The following CHCT1 variants were observed in gnomAD, a reference collection of about 807,000 sequenced individuals.
The protein encoded by CHCT1 is CHD1 helical C-terminal domain containing 1, also known as CHD1 helical C-terminal domain containing protein 1.
At chr17:60,426,060 C>T in the CHCT1 span, 1 of 1,355,638 alleles carries the variant, frequency 7.4e-7, no homozygotes, top group Admixed American at 2.2e-5. Flanking sequence ...AGCACTGGGC[C>T]ACTCAGGGCT....
chr17:60,426,537 C>T, the CHCT1 span: 1 of 1,090,980 alleles, frequency 9.2e-7, no homozygotes, highest in Non-Finnish European at 1.3e-6. Context: ...CGTGCAGGCG[C>T]TCAATACCAG....
At chr17:60,424,863 T>TA in the CHCT1 span, among the ~76,000 whole-genome samples, 22 of 141,646 alleles carry the variant, frequency 1.6e-4, no homozygotes, top group East Asian at 6.1e-4. Flanking sequence ...ATAGAGTGAA[T>TA]AAAAAAAAAA....
chr17:60,428,956 G>T, the CHCT1 span, among the ~76,000 whole-genome samples: 2 of 150,254 alleles, frequency 1.3e-5, no homozygotes, highest in African/African-American at 4.9e-5. Flanking sequence ...AGGCTGGAGT[G>T]CAGTGGCGTG....
chr17:60,422,002 A>C, the CHCT1 span: 3 of 933,986 alleles, frequency 3.2e-6, no homozygotes, highest in Admixed American at 6.3e-5. Flanking sequence ...AAACACACAC[A>C]TCCCACCCAG....
the CHCT1 span, chr17:60,425,766 C>G: frequency 6.5e-7 from 1 of 1,537,676 alleles, no homozygotes; most frequent in Non-Finnish European, 8.8e-7. Context: ...GGCTTAGTGC[C>G]CCCTGCCTCC....
the CHCT1 span, among the ~76,000 whole-genome samples, chr17:60,424,847 T>C: frequency 6.6e-6 from 1 of 151,864 alleles, no homozygotes; most frequent in African/African-American, 2.4e-5. Context: ...CACTCCAGCC[T>C]GGGTGATAGA....
chr17:60,424,133 T>C, the CHCT1 span, among the ~76,000 whole-genome samples: 3 of 152,118 alleles, frequency 2.0e-5, no homozygotes, highest in African/African-American at 7.2e-5. Flanking sequence ...CTCACTTAAT[T>C]GGGGCAGGGA....
At chr17:60,424,718 AC>A in the CHCT1 span, among the ~76,000 whole-genome samples, 7 of 152,226 alleles carry the variant, frequency 4.6e-5, no homozygotes, top group African/African-American at 1.7e-4. Flanking sequence ...TACTAAAAAT[AC>A]AAAATTAGCC....
At chr17:60,430,015 G>T in the CHCT1 span, among the ~76,000 whole-genome samples, 2 of 151,530 alleles carry the variant, frequency 1.3e-5, no homozygotes, top group East Asian at 1.9e-4. Context: ...AGTAAAGACA[G>T]GGTTTCACGG....
At chr17:60,421,959 G>A in the CHCT1 span, 35 of 985,110 alleles carry the variant, frequency 3.6e-5, no homozygotes, top group Non-Finnish European at 4.2e-5. Context: ...TACAGAGCCC[G>A]TAGGCACTGG....
the CHCT1 span, chr17:60,429,374 G>T: frequency 2.5e-6 from 4 of 1,613,284 alleles, no homozygotes; most frequent in Non-Finnish European, 3.4e-6. Flanking sequence ...GACATTCTGC[G>T]CCTCGGATGC....
At chr17:60,422,588 C>T in the CHCT1 span, 2 of 1,550,110 alleles carry the variant, frequency 1.3e-6, no homozygotes, top group Non-Finnish European at 1.7e-6. Context: ...GGCACACCTG[C>T]TGAGATGGAG....
At chr17:60,427,921 C>T in the CHCT1 span, among the ~76,000 whole-genome samples, 6 of 152,008 alleles carry the variant, frequency 3.9e-5, no homozygotes, top group South Asian at 2.1e-4. Context: ...AATGTCATAT[C>T]GTCGGGATCA....
the CHCT1 span, among the ~76,000 whole-genome samples, chr17:60,427,996 A>G: frequency 6.6e-6 from 1 of 152,150 alleles, no homozygotes; most frequent in African/African-American, 2.4e-5. Flanking sequence ...ATTAGAATCC[A>G]TTGGTTTCAG....
At chr17:60,422,370 C>T in the CHCT1 span, 7 of 1,214,070 alleles carry the variant, frequency 5.8e-6, no homozygotes, top group Admixed American at 1.9e-4. Context: ...GTTCCCTAGT[C>T]CAGATCCCAG....
At chr17:60,425,690 G>A in the CHCT1 span, 2 of 897,396 alleles carry the variant, frequency 2.2e-6, no homozygotes, top group South Asian at 1.5e-5. Flanking sequence ...AATGGAGAAG[G>A]GCTTTGGCTG....
chr17:60,426,059 C>T, the CHCT1 span: 4 of 1,349,690 alleles, frequency 3.0e-6, no homozygotes, highest in South Asian at 4.1e-5. Flanking sequence ...CAGCACTGGG[C>T]CACTCAGGGC....
chr17:60,425,380 A>G, the CHCT1 span, among the ~76,000 whole-genome samples: 1 of 152,132 alleles, frequency 6.6e-6, no homozygotes, highest in Non-Finnish European at 1.5e-5. Context: ...ACCAGGTCTC[A>G]CTATATTGCC....
the CHCT1 span, chr17:60,422,563 A>G: frequency 6.5e-7 from 1 of 1,549,254 alleles, no homozygotes; most frequent in African/African-American, 1.4e-5. Flanking sequence ...GGGGAGTGCC[A>G]CCCTGGAGCC....
Sources: allele counts gnomAD v4.1 joint callset (sites outside exome capture counted in the v4.1 genomes callset), GRCh38; gene constraint gnomAD v4.1.1; transcripts MANE v1.5; gene names NCBI Gene and HGNC (gene_info 2026-07-23, HGNC 2026-07-21).